Variants in TRAPPC9 observed in about 807,000 individuals in gnomAD.
The protein encoded by TRAPPC9 is trafficking protein particle complex subunit 9, also known as IKK2 binding protein.
Under a neutral mutation model 124.0 loss-of-function variants are expected in TRAPPC9, and 83 were observed. The ratio of observed to expected loss-of-function variants is 0.67; its 90% CI spans 0.56 to 0.80. TRAPPC9 has a LOEUF of 0.80. TRAPPC9 is among the 30% of genes least tolerant of loss of function. TRAPPC9 has a pLI of 0.00. For synonymous variants in TRAPPC9, 638 were observed against 617.5 expected, an observed-to-expected ratio of 1.03 and a Z score of -0.49; for missense variants, 1,302 against 1,508.3, an observed-to-expected ratio of 0.86 and a Z score of 2.27.
intron 17 of TRAPPC9, among the ~76,000 whole-genome samples, chr8:140,207,699 T>C (rs568324580): frequency 6.6e-6 from 1 of 152,330 alleles, no homozygotes; most frequent in Admixed American, 6.5e-5. Flanking sequence ...TTGCAAAGAT[T>C]TCAGGGTTTC....
At chr8:140,349,711 A>G (rs990067692) in intron 9 of TRAPPC9, among the ~76,000 whole-genome samples, 8 of 152,170 alleles carry the variant, frequency 5.3e-5, no homozygotes, top group Non-Finnish European at 2.9e-5. Context: ...CATTCCAATG[A>G]GACACCAGGC....
At chr8:139,930,343 T>C (rs1234213730) in intron 19 of TRAPPC9, among the ~76,000 whole-genome samples, 1 of 152,192 alleles carries the variant, frequency 6.6e-6, no homozygotes, top group Non-Finnish European at 1.5e-5. Flanking sequence ...AGGTGAGCAG[T>C]GGCAAGGCCA....
At chr8:140,037,992 T>C (rs1429332954) in intron 17 of TRAPPC9, among the ~76,000 whole-genome samples, 1 of 69,274 alleles carries the variant, frequency 1.4e-5, no homozygotes, top group African/African-American at 3.4e-5. Context: ...GAAATGAATG[T>C]CCTTACCCAC....
chr8:140,160,783 TTAAAG>T (rs1454233500), intron 17 of TRAPPC9, among the ~76,000 whole-genome samples: 16 of 151,858 alleles, frequency 1.1e-4, no homozygotes, highest in African/African-American at 1.7e-4. Flanking sequence ...ACCCTAGAAC[TTAAAG>T]TATAATAAAA....
At chr8:140,260,617 G>A (rs1484814412) in intron 15 of TRAPPC9, among the ~76,000 whole-genome samples, 1 of 152,192 alleles carries the variant, frequency 6.6e-6, no homozygotes, top group Non-Finnish European at 1.5e-5. Context: ...GGGCCACTCT[G>A]GAGGAAGGAG....
intron 6 of TRAPPC9, among the ~76,000 whole-genome samples, chr8:140,403,777 C>A (rs2069366070): frequency 6.6e-6 from 1 of 152,000 alleles, no homozygotes; most frequent in Admixed American, 6.6e-5. Flanking sequence ...TGAGCCTCAG[C>A]CTCCCGAGTA....
intron 21 of TRAPPC9, among the ~76,000 whole-genome samples, chr8:139,758,009 A>G (rs1819971114): frequency 1.3e-5 from 2 of 152,208 alleles, no homozygotes; most frequent in Admixed American, 1.3e-4. Context: ...TTAAACAACC[A>G]TGGCCCCAGG....
In TRAPPC9 at chr8:139,763,609, A is replaced by AAC. The variant is rs10543406; in HGVS notation, c.3056-31409_3056-31408dup. Among the ~76,000 whole-genome samples the AAC allele has an allele frequency of 4.2e-3, 634 of 151,230 alleles. 1 individual carries two copies. The highest frequency in any genetic ancestry group is 0.01 in the African/African-American group (424 of 41,342). On this transcript the variant is annotated intron_variant, in intron 21 of 22. Transcript: ENST00000438773. ...AAACAAACAAGCACACATGCACATAAACACACACACACACACACACGTGCA... is the reference window on the plus strand; with the variant it reads ...AAACAAACAAGCACACATGCACATAAACACACACACACACACACACACGTGCA...
chr8:139,938,619 GAC>G (rs2131427323), intron 19 of TRAPPC9, among the ~76,000 whole-genome samples: 1 of 151,322 alleles, frequency 6.6e-6, no homozygotes, highest in Non-Finnish European at 1.5e-5. Flanking sequence ...AATTCCTTGA[GAC>G]ACACAGAGCT....
chr8:139,816,669 C>T (rs892518854), intron 21 of TRAPPC9, among the ~76,000 whole-genome samples: 2 of 151,920 alleles, frequency 1.3e-5, no homozygotes, highest in Non-Finnish European at 2.9e-5. Flanking sequence ...GACGGAGCCT[C>T]CTACAGAGGG....
intron 21 of TRAPPC9, among the ~76,000 whole-genome samples, chr8:139,812,862 C>T (rs1173416530): frequency 6.6e-6 from 1 of 152,166 alleles, no homozygotes; most frequent in Non-Finnish European, 1.5e-5. Context: ...TGGGGGAAAA[C>T]ATAAGCTACT....
rs776266393 is a variant in TRAPPC9 at position 139,830,582 on chromosome 8, ACACATGCACACAC to A, written c.3055+55284_3055+55296del. ...CATGCAAATACACATGCACACACAT[ACACATGCACACAC>A]CACACGCATACACCACACGCATACA... On this transcript the variant is annotated intron_variant, in intron 21 of 22. Transcript: ENST00000438773. Among the ~76,000 whole-genome samples the A allele has an allele frequency of 1.4e-3, 213 of 151,974 alleles. No homozygotes were observed. The South Asian group carries it at 0.015, about 11-fold the overall frequency.
chr8:139,763,919 C>G (rs755422722), intron 21 of TRAPPC9, among the ~76,000 whole-genome samples: 1 of 152,180 alleles, frequency 6.6e-6, no homozygotes, highest in Non-Finnish European at 1.5e-5. Context: ...CTGGGGACAC[C>G]GAGGAGGACT....
intron 2 of TRAPPC9, among the ~76,000 whole-genome samples, chr8:140,439,644 C>A (rs544076425): frequency 6.6e-6 from 1 of 152,320 alleles, no homozygotes; most frequent in South Asian, 2.1e-4. Context: ...CGTTCATCCT[C>A]GCTATTTCAG....
chr8:140,187,177 G>A (rs889865298), intron 17 of TRAPPC9, among the ~76,000 whole-genome samples: 1 of 152,164 alleles, frequency 6.6e-6, no homozygotes, highest in Non-Finnish European at 1.5e-5. Context: ...GCCAGACGTG[G>A]GTGGAAAATA....
intron 17 of TRAPPC9, among the ~76,000 whole-genome samples, chr8:140,183,010 A>G (rs1305397803): frequency 6.6e-6 from 1 of 151,740 alleles, no homozygotes; most frequent in African/African-American, 2.4e-5. Flanking sequence ...TCTCACAGAA[A>G]ACTCTGCATT....
intron 21 of TRAPPC9, among the ~76,000 whole-genome samples, chr8:139,807,006 G>A (rs989147663): frequency 1.3e-5 from 2 of 152,236 alleles, no homozygotes; most frequent in African/African-American, 2.4e-5. Flanking sequence ...GCCACCTGCC[G>A]ATGCCCTCGA....
chr8:140,118,709 G>A (rs1024667501), intron 17 of TRAPPC9, among the ~76,000 whole-genome samples: 5 of 152,234 alleles, frequency 3.3e-5, no homozygotes, highest in African/African-American at 1.2e-4. Context: ...ACTGGGGGCT[G>A]AGACAGCTAT....
chr8:139,946,368 A>G (rs1247319186), intron 19 of TRAPPC9, among the ~76,000 whole-genome samples: 1 of 152,232 alleles, frequency 6.6e-6, no homozygotes, highest in Non-Finnish European at 1.5e-5. Context: ...CGTAAGAACG[A>G]GGCATGGCCA....
Sources: gnomAD v4.1 joint callset for allele counts (sites outside exome capture counted in the v4.1 genomes callset) on GRCh38, gnomAD v4.1.1 for gene constraint, MANE v1.5 for transcripts, NCBI Gene and HGNC (gene_info 2026-07-23, HGNC 2026-07-21) for gene names.